Variants in NKAIN2 observed in about 807,000 individuals in gnomAD.
NKAIN2 encodes the protein sodium/potassium-transporting ATPase subunit beta-1-interacting protein 2.
Under a neutral mutation model 32.6 loss-of-function variants are expected in NKAIN2, and 14 were observed. That is an observed-to-expected ratio of 0.43 (90% confidence interval 0.28 to 0.67). The LOEUF (loss-of-function observed/expected upper bound fraction) is 0.67, where lower values mean the gene tolerates loss of function less well. Among genes scored for constraint, NKAIN2 ranks in the 30% least tolerant of loss-of-function variants. NKAIN2 has a pLI of 0.17. For missense variants in NKAIN2, 198 were observed against 258.3 expected (o/e 0.77, Z 1.60); for synonymous variants, 80 against 87.2 (o/e 0.92, Z 0.46).
intron 1 of NKAIN2, among the ~76,000 whole-genome samples, chr6:124,045,987 A>T (rs1782104098): frequency 6.6e-6 from 1 of 152,166 alleles, no homozygotes; most frequent in South Asian, 2.1e-4. Context: ...CTTAGCCACG[A>T]AGTACAGAAT....
chr6:124,685,892 G>A (rs1324047288), intron 4 of NKAIN2, among the ~76,000 whole-genome samples: 2 of 152,150 alleles, frequency 1.3e-5, no homozygotes, highest in African/African-American at 4.8e-5. Context: ...TTATGTCACA[G>A]TTTCTATGGA....
intron 1 of NKAIN2, among the ~76,000 whole-genome samples, chr6:124,064,922 A>C (rs1220546672): frequency 1.3e-5 from 2 of 152,076 alleles, no homozygotes; most frequent in Non-Finnish European, 2.9e-5. Flanking sequence ...TCAACCAATT[A>C]GTTGTCTATC....
chr6:123,984,543 CCTT>C (rs1387907027), intron 1 of NKAIN2, among the ~76,000 whole-genome samples: 1 of 152,058 alleles, frequency 6.6e-6, no homozygotes, highest in Non-Finnish European at 1.5e-5. Flanking sequence ...ATAGAACCTA[CCTT>C]CTTATTTTCA....
chr6:124,395,597 A>T (rs1248565091), intron 3 of NKAIN2, among the ~76,000 whole-genome samples: 1 of 152,202 alleles, frequency 6.6e-6, no homozygotes, highest in African/African-American at 2.4e-5. Flanking sequence ...CATCTCAGTC[A>T]CAACTGAAAC....
At chr6:124,281,344 C>G (rs1004095848) in intron 1 of NKAIN2, among the ~76,000 whole-genome samples, 1 of 152,194 alleles carries the variant, frequency 6.6e-6, no homozygotes, top group African/African-American at 2.4e-5. Context: ...TTCACAGATT[C>G]TAACTTCGCA....
At chr6:124,359,808 T>C (rs1799182847) in intron 3 of NKAIN2, among the ~76,000 whole-genome samples, 1 of 152,178 alleles carries the variant, frequency 6.6e-6, no homozygotes, top group Non-Finnish European at 1.5e-5. Context: ...TCCAACACTA[T>C]GTTGAATAGG....
chr6:124,061,995 CTGAGA>C lies in NKAIN2; in HGVS notation c.55-221008_55-221004del, dbSNP rs1782936596. 4.6e-5 allele frequency among the ~76,000 whole-genome samples: 7 copies of C among 152,172 alleles called. No homozygotes were observed. The South Asian group carries it at 1.5e-3, about 32-fold the overall frequency. On this transcript the variant is annotated intron_variant, in intron 1 of 6. Transcript: ENST00000368417. The stretch of plus-strand genomic sequence containing the variant: ...TTTTAACACAAACGTGGTGCAGAAA[CTGAGA>C]TATCTTTAGCAATGGGAACATTTTT...
At chr6:124,006,723 C>G (rs1404340777) in intron 1 of NKAIN2, among the ~76,000 whole-genome samples, 1 of 152,104 alleles carries the variant, frequency 6.6e-6, no homozygotes, top group Non-Finnish European at 1.5e-5. Flanking sequence ...ATGCTGTACT[C>G]TGGTGGTTGT....
chr6:124,418,313 T>C (rs1450973020), intron 3 of NKAIN2, among the ~76,000 whole-genome samples: 1 of 152,024 alleles, frequency 6.6e-6, no homozygotes, highest in Non-Finnish European at 1.5e-5. Flanking sequence ...TCTAGCTTTC[T>C]TGTTCTGAAC....
intron 3 of NKAIN2, among the ~76,000 whole-genome samples, chr6:124,538,810 T>A (rs1162531866): frequency 6.6e-6 from 1 of 152,188 alleles, no homozygotes; most frequent in Non-Finnish European, 1.5e-5. Context: ...TTCGCTCGGT[T>A]TAACTAGACT....
chr6:124,187,244 C>A (rs988003209), intron 1 of NKAIN2, among the ~76,000 whole-genome samples: 1 of 152,140 alleles, frequency 6.6e-6, no homozygotes, highest in African/African-American at 2.4e-5. Flanking sequence ...ACTTCATAAC[C>A]TAACCTACCT....
chr6:123,976,372 C>CATATATATATATATATATATATTCCCAT (rs1778618869), intron 1 of NKAIN2, among the ~76,000 whole-genome samples: 1 of 10,924 alleles, frequency 9.2e-5, no homozygotes, highest in Non-Finnish European at 2.1e-4. Flanking sequence ...TATATATTCC[C>CATATATATATATATATATATATTCCCAT]ATATATATAT....
chr6:124,726,324 G>T (rs1416749423), intron 4 of NKAIN2, among the ~76,000 whole-genome samples: 8 of 152,218 alleles, frequency 5.3e-5, no homozygotes, highest in African/African-American at 1.9e-4. Flanking sequence ...CAGCTTTGAA[G>T]AGAGCAGTGG....
chr6:124,759,183 G>A (rs1459623058), intron 4 of NKAIN2, among the ~76,000 whole-genome samples: 1 of 152,210 alleles, frequency 6.6e-6, no homozygotes, highest in South Asian at 2.1e-4. Flanking sequence ...CCAGACACAC[G>A]GTGGCAGATC....
At chr6:123,992,079 A>G (rs867112014) in intron 1 of NKAIN2, among the ~76,000 whole-genome samples, 4 of 152,140 alleles carry the variant, frequency 2.6e-5, no homozygotes, top group Non-Finnish European at 4.4e-5. Context: ...TTTGAATGGT[A>G]ACTAGTATGA....
intron 1 of NKAIN2, among the ~76,000 whole-genome samples, chr6:123,826,018 G>T (rs143677091): frequency 6.6e-6 from 1 of 152,244 alleles, no homozygotes; most frequent in African/African-American, 2.4e-5. Context: ...ACTACTTTTA[G>T]TGTCTTAGGA....
intron 1 of NKAIN2, among the ~76,000 whole-genome samples, chr6:124,055,627 TA>T (rs35354168): frequency 0.012 from 1,858 of 152,044 alleles, 37 homozygotes; most frequent in African/African-American, 0.042. Flanking sequence ...AATTCCTGAT[TA>T]TTGGGTAATT....
chr6:123,860,642 C>T (rs1432545646), intron 1 of NKAIN2, among the ~76,000 whole-genome samples: 3 of 152,136 alleles, frequency 2.0e-5, no homozygotes, highest in Non-Finnish European at 4.4e-5. Context: ...AACTCCTGGG[C>T]CCAAGTATTC....
intron 4 of NKAIN2, among the ~76,000 whole-genome samples, chr6:124,727,751 A>G (rs1008478111): frequency 7.4e-6 from 1 of 135,908 alleles, no homozygotes; most frequent in Non-Finnish European, 1.6e-5. Flanking sequence ...CAATTAAAAG[A>G]CACAGACTGG....
Sources: allele counts gnomAD v4.1 joint callset (sites outside exome capture counted in the v4.1 genomes callset), GRCh38; gene constraint gnomAD v4.1.1; transcripts MANE v1.5; gene names NCBI Gene and HGNC (gene_info 2026-07-23, HGNC 2026-07-21).